Variants in ARIH1 observed in about 807,000 individuals in gnomAD.
The protein encoded by ARIH1 is ariadne RBR E3 ubiquitin protein ligase 1.
In ARIH1, 8 loss-of-function variants were observed where a neutral mutation model predicts 85.0. The observed-to-expected ratio is 0.09, with a 90% confidence interval of 0.06 to 0.17. The LOEUF is 0.17. ARIH1 is among the 10% of genes least tolerant of loss of function. The pLI is 1.00. For synonymous variants in ARIH1, 238 were observed against 253.6 expected, an observed-to-expected ratio of 0.94 and a Z score of 0.59; for missense variants, 311 against 718.1, an observed-to-expected ratio of 0.43 and a Z score of 6.48.
rs1285605463 is a variant in ARIH1, at chr15:72,517,506, C to T, written c.376-561C>T. ...GTGGTGGGATCTTGGCTCACTGCAA[C>T]CTCCATCTCCCAGGTTCAGGTGATT... On this transcript the variant is annotated intron_variant, in intron 1 of 13. Coordinates refer to ENST00000379887, the MANE Select transcript of ARIH1 (RefSeq NM_005744.5). 2.0e-5 allele frequency among the ~76,000 whole-genome samples: 3 copies of T among 151,914 alleles called. No individual in the cohort carries two copies. The East Asian group carries it at 5.8e-4, about 29-fold the overall frequency.
chr15:72,537,771 CT>C (rs1027863584), intron 2 of ARIH1, among the ~76,000 whole-genome samples: 16 of 152,058 alleles, frequency 1.1e-4, no homozygotes, highest in Non-Finnish European at 1.3e-4. Flanking sequence ...TTTGTCAGAA[CT>C]ATAAGGTATA....
intron 1 of ARIH1, among the ~76,000 whole-genome samples, chr15:72,487,936 G>A (rs1375808457): frequency 6.6e-6 from 1 of 152,044 alleles, no homozygotes; most frequent in African/African-American, 2.4e-5. Flanking sequence ...ATCACCCCCA[G>A]TTGCACTGTT....
chr15:72,537,438 A>G (rs1347386854), intron 2 of ARIH1, among the ~76,000 whole-genome samples: 3 of 152,206 alleles, frequency 2.0e-5, no homozygotes, highest in African/African-American at 7.2e-5. Flanking sequence ...TAGTGCTCCA[A>G]ACCCTCAGTT....
intron 11 of ARIH1, among the ~76,000 whole-genome samples, chr15:72,578,478 C>T (rs9944261): frequency 0.015 from 2,293 of 152,188 alleles, 56 homozygotes; most frequent in Admixed American, 0.057. Flanking sequence ...AGTTTGTGTG[C>T]ATAAGTTTTG....
chr15:72,499,196 G>A (rs1019184145), intron 1 of ARIH1, among the ~76,000 whole-genome samples: 1 of 151,648 alleles, frequency 6.6e-6, no homozygotes, highest in Non-Finnish European at 1.5e-5. Flanking sequence ...GGCTGGCCTC[G>A]AACTTCTGAT....
At chr15:72,517,495 G>A (rs188020689) in intron 1 of ARIH1, among the ~76,000 whole-genome samples, 1 of 151,992 alleles carries the variant, frequency 6.6e-6, no homozygotes. Context: ...TGGGATCTTG[G>A]CTCACTGCAA....
At chr15:72,574,845 G>A (rs1370770677) in intron 11 of ARIH1, among the ~76,000 whole-genome samples, 1 of 151,962 alleles carries the variant, frequency 6.6e-6, no homozygotes, top group Non-Finnish European at 1.5e-5. Flanking sequence ...CCAAGGCCAA[G>A]GATCACTTGA....
chr15:72,569,198 C>T (rs1256188609), intron 9 of ARIH1, among the ~76,000 whole-genome samples: 1 of 152,136 alleles, frequency 6.6e-6, no homozygotes, highest in African/African-American at 2.4e-5. Flanking sequence ...AGTCCCACTA[C>T]TTGGGAGACT....
rs2064309983 is a variant in ARIH1, at chr15:72,584,983, G to T, written c.*1691G>T. 6.6e-6 allele frequency: 1 copy of T among 151,530 alleles called. No homozygotes were observed. The highest frequency in any genetic ancestry group is 2.4e-5 in the African/African-American group (1 of 41,208). The allele number at this position is 151,530 out of a possible 1,614,324, so 9.4% of individuals were successfully genotyped here. On this transcript the variant is annotated 3_prime_UTR_variant, in exon 14 of 14. Coordinates refer to ENST00000379887, the MANE Select transcript of ARIH1 (RefSeq NM_005744.5). ...TCTTCCTTTAAATGTCTTTTGCCTA[G>T]GGAGTGTTTACCATTTGTGAGGCAG...
In ARIH1 at chr15:72,593,460, G is replaced by A. The variant is rs2140446012; in HGVS notation, c.*10168G>A. The A allele has an allele frequency of 6.6e-6, 1 of 152,168 alleles. No individual in the cohort carries two copies. The highest frequency in any genetic ancestry group is 1.5e-5 in the Non-Finnish European group (1 of 67,986). 9.4% of individuals were successfully genotyped at this position (152,168 alleles called of 1,614,324 possible). ...TTTCTTCTAGAAGTTTTATGGTTTG[G>A]GATTTTATGTTTAGGTCTGTGATCC... On this transcript the variant is annotated 3_prime_UTR_variant, in exon 14 of 14. Coordinates refer to ENST00000379887, the MANE Select transcript of ARIH1 (RefSeq NM_005744.5).
In ARIH1 at chr15:72,583,188, T is replaced by C. The variant is rs1414096115; in HGVS notation, c.1590-20T>C. 14 of 1,579,942 alleles carry C rather than the reference T, an allele frequency of 8.9e-6. No homozygotes were observed. Among genetic ancestry groups the C allele is most frequent in the Non-Finnish European group, 1.2e-5 (14 of 1,163,436 alleles). On this transcript the variant is annotated intron_variant, in intron 13 of 13. Coordinates refer to ENST00000379887, the MANE Select transcript of ARIH1 (RefSeq NM_005744.5). Reference sequence around the variant, plus strand: ...TTAGAGGCTGACAACAAGTTTTTTTTTTTTTCTCTTTGATTACAGATACTG... The same window carrying C: ...TTAGAGGCTGACAACAAGTTTTTTTCTTTTTCTCTTTGATTACAGATACTG...
At chr15:72,537,663 A>G (rs529147417) in intron 2 of ARIH1, among the ~76,000 whole-genome samples, 1 of 152,290 alleles carries the variant, frequency 6.6e-6, no homozygotes, top group East Asian at 1.9e-4. Flanking sequence ...TACATTTTCT[A>G]AAAGTAGAAA....
chr15:72,531,000 A>G (rs914031109), intron 2 of ARIH1, among the ~76,000 whole-genome samples: 7 of 152,202 alleles, frequency 4.6e-5, no homozygotes, highest in African/African-American at 1.7e-4. Context: ...AAAAGACCCA[A>G]ATGTCATAGA....
chr15:72,475,060 C>T (rs531163545), intron 1 of ARIH1, 46 bp downstream of exon 1: 6 of 1,543,232 alleles, frequency 3.9e-6, no homozygotes, highest in Non-Finnish European at 5.3e-6. Flanking sequence ...GACGGGGGAG[C>T]GGATTCAGGC....
At chr15:72,538,422 A>T (rs1001413540) in intron 2 of ARIH1, among the ~76,000 whole-genome samples, 2 of 152,234 alleles carry the variant, frequency 1.3e-5, no homozygotes, top group Non-Finnish European at 2.9e-5. Flanking sequence ...ATATCTTTAA[A>T]TTGGTTTTAC....
In ARIH1 at chr15:72,570,376, C is replaced by T. The variant is rs1345096759; in HGVS notation, c.1157+69C>T. The T allele has an allele frequency of 3.2e-6, 5 of 1,577,280 alleles. No individual in the cohort carries two copies. In the African/African-American group the frequency reaches 6.8e-5, roughly 21 times the overall value. Reference sequence around the variant, plus strand: ...GTGCCATGTATTATGAATAACATTTCTACCTCATAGATATCACCATCTAAC... The same window carrying T: ...GTGCCATGTATTATGAATAACATTTTTACCTCATAGATATCACCATCTAAC... On this transcript the variant is annotated intron_variant, in intron 10 of 13. Coordinates refer to ENST00000379887, the MANE Select transcript of ARIH1 (RefSeq NM_005744.5).
intron 2 of ARIH1, among the ~76,000 whole-genome samples, chr15:72,520,839 A>T (rs964841352): frequency 6.8e-6 from 1 of 147,688 alleles, no homozygotes; most frequent in Non-Finnish European, 1.5e-5. Context: ...TGATGTTTGA[A>T]TTTTTTTTTT....
In ARIH1 at chr15:72,585,347, T is replaced by C. The variant is rs2064311488; in HGVS notation, c.*2055T>C. ...CTCTCCCCTCTTCCCCCATTATCCA[T>C]ATGACATTATTTTACTTCAAATGAC... On this transcript the variant is annotated 3_prime_UTR_variant, in exon 14 of 14. Coordinates refer to ENST00000379887, the MANE Select transcript of ARIH1 (RefSeq NM_005744.5). The C allele has an allele frequency of 6.6e-6, 1 of 152,146 alleles. No individual in the cohort carries two copies. The highest frequency in any genetic ancestry group is 2.1e-4 in the South Asian group (1 of 4,832). 9.4% of individuals were successfully genotyped at this position (152,146 alleles called of 1,614,324 possible).
In ARIH1 at chr15:72,599,999, GT is replaced by G. The variant is rs2140448693; in HGVS notation, c.*16711del. 1 of 152,324 alleles carries G rather than the reference GT, an allele frequency of 6.6e-6. No individual in the cohort carries two copies. Among genetic ancestry groups the G allele is most frequent in the African/African-American group, 2.4e-5 (1 of 41,566 alleles). 9.4% of individuals were successfully genotyped at this position (152,324 alleles called of 1,614,324 possible). The stretch of plus-strand genomic sequence containing the variant: ...GGACTCTCAAGCGTTTGTGGTATAG[GT>G]TTTGGGAGGACTGGACACTTCCAAA... On this transcript the variant is annotated 3_prime_UTR_variant, in exon 14 of 14. Coordinates refer to ENST00000379887, the MANE Select transcript of ARIH1 (RefSeq NM_005744.5).
Sources: allele counts gnomAD v4.1 joint callset (sites outside exome capture counted in the v4.1 genomes callset), GRCh38; gene constraint gnomAD v4.1.1; transcripts MANE v1.5; gene names NCBI Gene and HGNC (gene_info 2026-07-23, HGNC 2026-07-21).